Variants in PSD3 observed in about 807,000 individuals in gnomAD.
PSD3 encodes pleckstrin and Sec7 domain containing 3.
Under a neutral mutation model 105.5 loss-of-function variants are expected in PSD3, and 49 were observed. The ratio of observed to expected loss-of-function variants is 0.46; its 90% CI spans 0.37 to 0.59. PSD3 has a LOEUF of 0.59. PSD3 is among the 20% of genes least tolerant of loss of function. The pLI is 0.00. For missense variants in PSD3, 1,561 were observed against 1,263.8 expected (o/e 1.24, Z -3.57); for synonymous variants, 557 against 457.8 (o/e 1.22, Z -2.77).
At chr8:18,655,558 C>G (rs1410023579) in intron 10 of PSD3, 84 bp downstream of exon 10, 4 of 1,293,510 alleles carry the variant, frequency 3.1e-6, no homozygotes, top group Non-Finnish European at 4.5e-6. Flanking sequence ...TTTAATCCTT[C>G]TCTAAGATCA....
intron 2 of PSD3, among the ~76,000 whole-genome samples, chr8:18,896,655 T>G (rs747454497): frequency 1.3e-5 from 2 of 151,990 alleles, no homozygotes; most frequent in Admixed American, 6.6e-5. Flanking sequence ...TCAAGCCATC[T>G]GCCCACCTCG....
chr8:18,641,232 A>G (rs545000928), intron 10 of PSD3, among the ~76,000 whole-genome samples: 2 of 152,270 alleles, frequency 1.3e-5, no homozygotes, highest in East Asian at 3.9e-4. Context: ...CAACCAGCCT[A>G]GAAGCTAGAT....
At chr8:18,713,038 G>T (rs2410589) in intron 9 of PSD3, among the ~76,000 whole-genome samples, 29,554 of 151,676 alleles carry the variant, frequency 0.19, 5,427 homozygotes, top group African/African-American at 0.47. Flanking sequence ...AAAAACCACG[G>T]GATTATCTCG....
At chr8:19,046,133 A>G (rs1024455460) in intron 1 of PSD3, among the ~76,000 whole-genome samples, 6 of 152,140 alleles carry the variant, frequency 3.9e-5, no homozygotes, top group Non-Finnish European at 8.8e-5. Context: ...GTGTTTTGAG[A>G]TGGAGTCTCA....
chr8:18,843,152 C>T (rs1340665950), intron 4 of PSD3, among the ~76,000 whole-genome samples: 8 of 151,714 alleles, frequency 5.3e-5, no homozygotes, highest in Admixed American at 1.3e-4. Flanking sequence ...CGAGGTCAGG[C>T]GATCGAGACC....
intron 15 of PSD3, among the ~76,000 whole-genome samples, chr8:18,544,866 T>C (rs1185263358): frequency 2.0e-5 from 3 of 152,142 alleles, no homozygotes; most frequent in African/African-American, 7.2e-5. Context: ...CGGAGTTTCC[T>C]GGACAGGCCC....
At chr8:18,934,972 G>A (rs28472354) in intron 2 of PSD3, among the ~76,000 whole-genome samples, 1,853 of 152,314 alleles carry the variant, frequency 0.012, 28 homozygotes, top group African/African-American at 0.043. Flanking sequence ...TTAACAGGAT[G>A]AGCTCTGCGG....
intron 10 of PSD3, among the ~76,000 whole-genome samples, chr8:18,637,953 C>T (rs932894158): frequency 2.6e-5 from 4 of 151,880 alleles, no homozygotes; most frequent in Non-Finnish European, 5.9e-5. Flanking sequence ...GTCAGGAGTT[C>T]AAGACCAGTC....
intron 14 of PSD3, among the ~76,000 whole-genome samples, chr8:18,572,186 G>C (rs1802184671): frequency 6.6e-6 from 1 of 152,170 alleles, no homozygotes; most frequent in African/African-American, 2.4e-5. Flanking sequence ...CAATAAAAAT[G>C]AGCTAATAAA....
chr8:18,698,987 C>A (rs1164032268), intron 9 of PSD3, among the ~76,000 whole-genome samples: 2 of 152,106 alleles, frequency 1.3e-5, no homozygotes, highest in Non-Finnish European at 2.9e-5. Context: ...AAAGATGAAA[C>A]CCCACTCAAC....
At chr8:18,554,779 C>G (rs1238276571) in intron 15 of PSD3, among the ~76,000 whole-genome samples, 1 of 152,074 alleles carries the variant, frequency 6.6e-6, no homozygotes, top group Non-Finnish European at 1.5e-5. Context: ...GTGCCAAGTA[C>G]TGAAACAGAT....
intron 1 of PSD3, among the ~76,000 whole-genome samples, chr8:18,970,966 G>A (rs1824613425): frequency 6.7e-6 from 1 of 148,434 alleles, no homozygotes; most frequent in Non-Finnish European, 1.5e-5. Flanking sequence ...GTAAAAGAGC[G>A]AGACTCTGTC....
At chr8:18,965,923 C>T (rs192789057) in intron 1 of PSD3, among the ~76,000 whole-genome samples, 19 of 152,314 alleles carry the variant, frequency 1.2e-4, no homozygotes, top group Admixed American at 4.6e-4. Flanking sequence ...TGGGCTTTTC[C>T]GTGCCCATTT....
intron 10 of PSD3, among the ~76,000 whole-genome samples, chr8:18,652,178 T>C (rs1808535089): frequency 6.6e-6 from 1 of 152,066 alleles, no homozygotes; most frequent in Non-Finnish European, 1.5e-5. Context: ...CGATGAGCGC[T>C]AAGTGCCAGC....
chr8:18,630,042 G>A (rs1806781446), intron 11 of PSD3, among the ~76,000 whole-genome samples: 2 of 151,812 alleles, frequency 1.3e-5, no homozygotes, highest in Non-Finnish European at 2.9e-5. Context: ...AAGTCCTCCA[G>A]TGATAAAGCA....
At chr8:18,628,521 G>C (rs950400136) in intron 11 of PSD3, among the ~76,000 whole-genome samples, 1 of 151,810 alleles carries the variant, frequency 6.6e-6, no homozygotes, top group African/African-American at 2.4e-5. Context: ...TGAAAATAAA[G>C]ATATTTTCAC....
chr8:18,894,686 CT>C (rs1819024280), intron 2 of PSD3, among the ~76,000 whole-genome samples: 1 of 152,122 alleles, frequency 6.6e-6, no homozygotes, highest in Non-Finnish European at 1.5e-5. Context: ...CAAAAGAAAT[CT>C]TACCAAGCAG....
At chr8:18,652,663 A>T (rs1808598992) in intron 10 of PSD3, among the ~76,000 whole-genome samples, 1 of 151,734 alleles carries the variant, frequency 6.6e-6, no homozygotes, top group African/African-American at 2.4e-5. Flanking sequence ...ACGCCCAGCT[A>T]ATTTTTGTAT....
chr8:18,852,467 A>G (rs1815665524), intron 4 of PSD3, among the ~76,000 whole-genome samples: 1 of 152,202 alleles, frequency 6.6e-6, no homozygotes, highest in African/African-American at 2.4e-5. Context: ...TCCTTTCTTG[A>G]GTGGGTCACA....
Sources: allele counts gnomAD v4.1 joint callset (sites outside exome capture counted in the v4.1 genomes callset), GRCh38; gene constraint gnomAD v4.1.1; transcripts MANE v1.5; gene names NCBI Gene and HGNC (gene_info 2026-07-23, HGNC 2026-07-21).